Variants in ASTN2 observed in about 807,000 individuals in gnomAD.
ASTN2 encodes astrotactin 2, also known as astrotactin-2.
Under a neutral mutation model 139.8 loss-of-function variants are expected in ASTN2, and 54 were observed. That is an observed-to-expected ratio of 0.39 (90% CI 0.31 to 0.48). The LOEUF (loss-of-function observed/expected upper bound fraction) is 0.48, where lower values mean the gene tolerates loss of function less well. ASTN2 is among the 20% of genes least tolerant of loss of function. The pLI, the probability that ASTN2 is intolerant of heterozygous loss-of-function variation, is 0.95. For missense variants in ASTN2, 1,565 were observed against 1,725.1 expected, an observed-to-expected ratio of 0.91 and a Z score of 1.64; for synonymous variants, 756 against 719.5, an observed-to-expected ratio of 1.05 and a Z score of -0.81.
chr9:116,483,114 G>C (rs1166951087), intron 20 of ASTN2, among the ~76,000 whole-genome samples: 1 of 152,244 alleles, frequency 6.6e-6, no homozygotes, highest in African/African-American at 2.4e-5. Flanking sequence ...CATTGGCCCT[G>C]AGTGGAGACT....
rs578257912 is a variant in ASTN2, at chr9:117,274,345, G to A, written c.630+16981C>T. Among the ~76,000 whole-genome samples the A allele has an allele frequency of 4.0e-5, 6 of 151,522 alleles. No individual in the cohort carries two copies. The East Asian group carries it at 7.8e-4, about 20-fold the overall frequency. ...AGCCTGAGCAACAGAGCGAGACTCC[G>A]TCTCAAAAAAAAATAGTCTGGGTTG... On this transcript the variant is annotated intron_variant, in intron 2 of 22. Coordinates refer to ENST00000313400, the MANE Select transcript of ASTN2 (RefSeq NM_001365068.1).
chr9:116,542,238 A>T (rs531498657), intron 19 of ASTN2, among the ~76,000 whole-genome samples: 2 of 152,232 alleles, frequency 1.3e-5, no homozygotes, highest in African/African-American at 2.4e-5. Context: ...TTCTCTTGAT[A>T]CATATTGCTA....
intron 6 of ASTN2, among the ~76,000 whole-genome samples, chr9:117,025,215 A>T (rs749529354): frequency 6.6e-6 from 1 of 152,198 alleles, no homozygotes; most frequent in Non-Finnish European, 1.5e-5. Flanking sequence ...ATTTGGCCTG[A>T]GGATGAGATG....
intron 10 of ASTN2, among the ~76,000 whole-genome samples, chr9:116,896,176 T>C (rs772662279): frequency 6.6e-6 from 1 of 152,128 alleles, no homozygotes; most frequent in Non-Finnish European, 1.5e-5. Context: ...CTAAGGAATG[T>C]GGTAATAGTA....
intron 3 of ASTN2, among the ~76,000 whole-genome samples, chr9:117,173,606 T>C (rs1163540401): frequency 6.6e-6 from 1 of 151,966 alleles, no homozygotes; most frequent in Non-Finnish European, 1.5e-5. Flanking sequence ...AACATATGCC[T>C]GGAAATGTAA....
chr9:116,540,474 G>A (rs1024959987), intron 19 of ASTN2: 3 of 152,182 alleles, frequency 2.0e-5, no homozygotes, highest in African/African-American at 7.2e-5. Flanking sequence ...GGAATAACAC[G>A]TGAAGAGAGG....
At chr9:117,305,936 T>C (rs1834988171) in intron 1 of ASTN2, among the ~76,000 whole-genome samples, 1 of 152,196 alleles carries the variant, frequency 6.6e-6, no homozygotes, top group Non-Finnish European at 1.5e-5. Context: ...TCCTCTGCGG[T>C]GCTACACAAA....
At chr9:116,824,395 C>CTT (rs386416034) in intron 11 of ASTN2, among the ~76,000 whole-genome samples, 1 of 74,396 alleles carries the variant, frequency 1.3e-5, no homozygotes, top group Admixed American at 1.9e-4. Context: ...CTCTCTCTCT[C>CTT]TCATCACTTG....
intron 4 of ASTN2, among the ~76,000 whole-genome samples, chr9:117,106,672 T>C (rs1284003060): frequency 2.6e-5 from 4 of 152,228 alleles, no homozygotes; most frequent in African/African-American, 7.2e-5. Flanking sequence ...CTGACTTCTC[T>C]TACTTTGAGA....
chr9:117,394,511 TA>T (rs1439081561), intron 1 of ASTN2, among the ~76,000 whole-genome samples: 3 of 151,906 alleles, frequency 2.0e-5, no homozygotes, highest in African/African-American at 7.3e-5. Flanking sequence ...GAAAGATAAA[TA>T]AAGTGTCCTG....
chr9:116,691,456 G>A (rs1440683471), intron 16 of ASTN2, among the ~76,000 whole-genome samples: 3 of 152,194 alleles, frequency 2.0e-5, no homozygotes, highest in Non-Finnish European at 4.4e-5. Flanking sequence ...GAGACAACAG[G>A]CAAGCATGTT....
chr9:116,443,735 T>G (rs1208754740), intron 20 of ASTN2, among the ~76,000 whole-genome samples: 4 of 152,052 alleles, frequency 2.6e-5, no homozygotes, highest in Admixed American at 2.6e-4. Context: ...AGCATCTGAG[T>G]GTTCTGTCTG....
At chr9:117,032,070 T>G (rs1326983153) in intron 6 of ASTN2, among the ~76,000 whole-genome samples, 1 of 148,542 alleles carries the variant, frequency 6.7e-6, no homozygotes, top group Non-Finnish European at 1.5e-5. Context: ...GACACATATG[T>G]AACAGTAACA....
chr9:117,296,300 A>AAAAGAAAGAAAG (rs1192675911), intron 1 of ASTN2, among the ~76,000 whole-genome samples: 27 of 120,960 alleles, frequency 2.2e-4, no homozygotes, highest in African/African-American at 6.0e-4. Context: ...AAAAAAAAAA[A>AAAAGAAAGAAAG]AAAGAAAGAA....
In ASTN2 at chr9:116,908,496, G is replaced by A. The variant is rs552729163; in HGVS notation, c.1890-44763C>T. On this transcript the variant is annotated intron_variant, in intron 10 of 22. Transcript: ENST00000313400. ...CTCTTCCTCACCATAAAAACATGAT[G>A]GTCACCACCACCATCATTAGCCTGG... is the stretch of plus-strand genomic sequence containing the variant. Among the ~76,000 whole-genome samples the A allele has an allele frequency of 2.0e-5, 3 of 152,246 alleles. No homozygotes were observed. In the South Asian group the frequency reaches 6.2e-4, roughly 32 times the overall value.
In ASTN2 at chr9:116,766,465, A is replaced by G. The variant is rs191162912; in HGVS notation, c.2397-32942T>C. Reference sequence around the variant, plus strand: ...AAACACACACATTCATACTCACACAAACTCAGTCACATCACACACACAAGC... The same window carrying G: ...AAACACACACATTCATACTCACACAGACTCAGTCACATCACACACACAAGC... On this transcript the variant is annotated intron_variant, in intron 13 of 22. Coordinates refer to ENST00000313400, the MANE Select transcript of ASTN2 (RefSeq NM_001365068.1). Among the ~76,000 whole-genome samples, 6 of 149,710 alleles carry G rather than the reference A, an allele frequency of 4.0e-5. No individual in the cohort carries two copies. The East Asian group carries it at 1.0e-3, about 25-fold the overall frequency.
chr9:117,165,716 T>G (rs1397700959), intron 3 of ASTN2, among the ~76,000 whole-genome samples: 1 of 152,094 alleles, frequency 6.6e-6, no homozygotes, highest in Non-Finnish European at 1.5e-5. Context: ...GTCATCCTCT[T>G]TCTCCATAAT....
intron 3 of ASTN2, among the ~76,000 whole-genome samples, chr9:117,167,337 T>C (rs1385654391): frequency 2.6e-5 from 4 of 152,136 alleles, no homozygotes; most frequent in Non-Finnish European, 5.9e-5. Flanking sequence ...GAAATCCATA[T>C]AATTCTGAGT....
chr9:116,960,760 T>C (rs1345687503), intron 10 of ASTN2, among the ~76,000 whole-genome samples: 1 of 152,154 alleles, frequency 6.6e-6, no homozygotes, highest in African/African-American at 2.4e-5. Context: ...ATTTTCCTCC[T>C]GACCTATACT....
Sources: allele counts gnomAD v4.1 joint callset (sites outside exome capture counted in the v4.1 genomes callset), GRCh38; gene constraint gnomAD v4.1.1; transcripts MANE v1.5; gene names NCBI Gene and HGNC (gene_info 2026-07-23, HGNC 2026-07-21).